LRRFIP1: variants seen among roughly 807,000 people sequenced by gnomAD.
LRRFIP1 encodes the protein leucine-rich repeat flightless-interacting protein 1.
In LRRFIP1, 62 loss-of-function variants were observed where a neutral mutation model predicts 104.4. The observed-to-expected ratio is 0.59, with a 90% CI of 0.48 to 0.73. LRRFIP1 has a LOEUF of 0.73. Ranked by LOEUF, LRRFIP1 falls within the 30% of genes least tolerant of loss-of-function variation. The pLI, the probability that LRRFIP1 is intolerant of heterozygous loss-of-function variation, is 0.00. For missense variants in LRRFIP1, 796 were observed against 824.5 expected, an observed-to-expected ratio of 0.97 and a Z score of 0.42; for synonymous variants, 300 against 299.0, an observed-to-expected ratio of 1.00 and a Z score of -0.03.
At chr2:237,633,664 A>G (rs186281489) in intron 1 of LRRFIP1, among the ~76,000 whole-genome samples, 163 of 152,070 alleles carry the variant, frequency 1.1e-3, no homozygotes, top group African/African-American at 3.9e-3. Flanking sequence ...TGGAAGCTTT[A>G]CTCCCATAGT....
intron 1 of LRRFIP1, among the ~76,000 whole-genome samples, chr2:237,684,841 C>T (rs1048393846): frequency 6.6e-6 from 1 of 151,596 alleles, no homozygotes; most frequent in South Asian, 2.1e-4. Context: ...AATTCCAACA[C>T]TTTGGGAGGC....
At chr2:237,692,066 T>G in intron 1 of LRRFIP1, 1 of 381,618 alleles carries the variant, frequency 2.6e-6, no homozygotes, top group Non-Finnish European at 3.1e-6. Flanking sequence ...AGGCGGGTCA[T>G]GGGGCGGGGG....
At chr2:237,629,467 CTTTTTT>C (rs745503726) in intron 1 of LRRFIP1, among the ~76,000 whole-genome samples, 19 of 117,374 alleles carry the variant, frequency 1.6e-4, no homozygotes, top group African/African-American at 3.6e-4. Context: ...TTTCTTTCTT[CTTTTTT>C]TTTTTTTTTT....
intron 3 of LRRFIP1, among the ~76,000 whole-genome samples, chr2:237,715,340 G>A (rs905178867): frequency 6.6e-6 from 1 of 152,118 alleles, no homozygotes; most frequent in African/African-American, 2.4e-5. Context: ...AGAGAGCCTC[G>A]GGAAGAACTG....
intron 1 of LRRFIP1, among the ~76,000 whole-genome samples, chr2:237,669,884 C>T (rs1241686758): frequency 4.6e-5 from 7 of 152,140 alleles, no homozygotes; most frequent in Admixed American, 2.0e-4. Context: ...GATGTGTGCA[C>T]GTGGCATAGA....
chr2:237,723,104 C>T (rs3769086), intron 6 of LRRFIP1, among the ~76,000 whole-genome samples: 46,302 of 151,966 alleles, frequency 0.3, 8,019 homozygotes, highest in African/African-American at 0.47. Flanking sequence ...ATTTATACTA[C>T]TCTGGAATTT....
intron 1 of LRRFIP1, among the ~76,000 whole-genome samples, chr2:237,694,044 C>T (rs750718329): frequency 1.4e-4 from 22 of 152,130 alleles, no homozygotes; most frequent in African/African-American, 5.3e-4. Context: ...CTTTGAAGAC[C>T]GGAAGGTTTG....
In LRRFIP1 at chr2:237,629,545, C is replaced by T. The variant is rs891094723; in HGVS notation, c.96+1805C>T. On this transcript the variant is annotated intron_variant, in intron 1 of 23. Coordinates refer to ENST00000308482, the MANE Select transcript of LRRFIP1 (RefSeq NM_001137550.2). ...GGAGTACAGTGGTATGATCTCGGCT[C>T]ACTGCAACCTCCACCTCCCAGGCTC... Among the ~76,000 whole-genome samples, 75 of 148,288 alleles carry T rather than the reference C, an allele frequency of 5.1e-4. 1 individual carries two copies. The highest frequency in any genetic ancestry group is 1.7e-3 in the African/African-American group (66 of 39,972).
Position 237,779,838 on chromosome 2 carries a change from G to A in LRRFIP1, c.*306G>A, listed in dbSNP as rs116905579. 271 of 193,300 alleles carry A rather than the reference G, an allele frequency of 1.4e-3. 6 individuals carry two copies. The East Asian group carries it at 0.029, about 21-fold the overall frequency. 12.0% of individuals were successfully genotyped at this position (193,300 alleles called of 1,614,324 possible). On this transcript the variant is annotated 3_prime_UTR_variant, in exon 24 of 24. Transcript: ENST00000308482. ...GACCGCACAGCAGCCTCTGAATGCC[G>A]CTGGAAGTGATGATCAAAGTAAAGA...
At chr2:237,747,944 A>G (rs1450700160) in intron 11 of LRRFIP1, among the ~76,000 whole-genome samples, 1 of 152,194 alleles carries the variant, frequency 6.6e-6, no homozygotes, top group East Asian at 1.9e-4. Context: ...AAAAGGAGAA[A>G]AAAAGAAACC....
intron 11 of LRRFIP1, among the ~76,000 whole-genome samples, chr2:237,743,952 C>G (rs59485259): frequency 0.12 from 18,193 of 152,174 alleles, 1,375 homozygotes; most frequent in African/African-American, 0.2. Flanking sequence ...GTCCCAAGGG[C>G]AGCCTGGGTC....
chr2:237,764,551 T>A (rs2060140342), intron 19 of LRRFIP1: 2 of 1,027,866 alleles, frequency 1.9e-6, no homozygotes, highest in East Asian at 1.8e-4. Context: ...TGAATATAAT[T>A]GATATTTAAA....
rs754559654 is a variant in LRRFIP1, at chr2:237,711,399, G to A, written c.183+2769G>A. Reference sequence around the variant, plus strand: ...AGATATCTCGCCCTGTTGCAAATTCGGCGGAACATCCGCCACTGAGAGCGG... The same window carrying A: ...AGATATCTCGCCCTGTTGCAAATTCAGCGGAACATCCGCCACTGAGAGCGG... On this transcript the variant is annotated intron_variant, in intron 2 of 23. Coordinates refer to ENST00000308482, the MANE Select transcript of LRRFIP1 (RefSeq NM_001137550.2). The surrounding 1 kb of genome is among the most constrained non-coding windows in gnomAD (Gnocchi z 4.4). Among the ~76,000 whole-genome samples the A allele has an allele frequency of 9.2e-5, 14 of 152,334 alleles. No individual in the cohort carries two copies. The highest frequency in any genetic ancestry group is 2.1e-4 in the South Asian group (1 of 4,830).
At chr2:237,765,721 G>C in intron 19 of LRRFIP1, 1 of 934,922 alleles carries the variant, frequency 1.1e-6, no homozygotes, top group East Asian at 1.2e-4. Flanking sequence ...TAATTGTAAA[G>C]TTAGATTTAA....
At chr2:237,729,838 A>G (rs774035862) in intron 8 of LRRFIP1, 1 of 985,250 alleles carries the variant, frequency 1.0e-6, no homozygotes, top group Non-Finnish European at 1.2e-6. Context: ...AGGGAGGAGA[A>G]GTTGGTTGGT....
intron 1 of LRRFIP1, among the ~76,000 whole-genome samples, chr2:237,632,837 C>G (rs2082585332): frequency 6.6e-6 from 1 of 152,020 alleles, no homozygotes; most frequent in Non-Finnish European, 1.5e-5. Context: ...CAATGCAGTC[C>G]CTTGCCCTCT....
intron 1 of LRRFIP1, among the ~76,000 whole-genome samples, chr2:237,694,460 G>A (rs556569701): frequency 2.6e-5 from 4 of 152,132 alleles, no homozygotes; most frequent in Non-Finnish European, 5.9e-5. Flanking sequence ...GATGGGAATT[G>A]GGGGTCATCA....
intron 1 of LRRFIP1, among the ~76,000 whole-genome samples, chr2:237,706,555 G>T (rs920537620): frequency 6.6e-6 from 1 of 152,174 alleles, no homozygotes; most frequent in Non-Finnish European, 1.5e-5. Context: ...TGGCCCATTG[G>T]TAGGGCCGTA....
intron 2 of LRRFIP1, among the ~76,000 whole-genome samples, chr2:237,709,852 A>G (rs565784291): frequency 2.6e-4 from 39 of 151,924 alleles, no homozygotes; most frequent in African/African-American, 9.4e-4. Context: ...ATGTATATGT[A>G]TAATTTTTTT....
Sources: gnomAD v4.1 joint callset for allele counts (sites outside exome capture counted in the v4.1 genomes callset) on GRCh38, gnomAD v4.1.1 for gene constraint, Gnocchi (gnomAD v3.1) non-coding constraint, MANE v1.5 for transcripts, NCBI Gene and HGNC (gene_info 2026-07-23, HGNC 2026-07-21) for gene names.